TAF2: variants seen among roughly 807,000 people sequenced by gnomAD.
The protein encoded by TAF2 is TATA-box binding protein associated factor 2.
In TAF2, 61 loss-of-function variants were observed where a neutral mutation model predicts 138.5. The observed-to-expected ratio is 0.44, with a 90% CI of 0.36 to 0.54. The LOEUF (loss-of-function observed/expected upper bound fraction) is 0.54, where lower values mean the gene tolerates loss of function less well. Ranked by LOEUF, TAF2 falls within the 20% of genes least tolerant of loss-of-function variation. TAF2 has a pLI of 0.00. For missense variants in TAF2, 1,090 were observed against 1,427.9 expected (o/e 0.76, Z 3.81); for synonymous variants, 475 against 469.9 (o/e 1.01, Z -0.14).
chr8:119,827,054 C>T (rs530755376), intron 2 of TAF2, among the ~76,000 whole-genome samples: 1 of 152,206 alleles, frequency 6.6e-6, no homozygotes, highest in South Asian at 2.1e-4. Context: ...ATTAGCCAGG[C>T]TGGTGGTACG....
intron 2 of TAF2, among the ~76,000 whole-genome samples, chr8:119,820,092 A>C (rs1039517687): frequency 6.6e-6 from 1 of 152,198 alleles, no homozygotes; most frequent in African/African-American, 2.4e-5. Context: ...GGCCATATGT[A>C]GTTCTACCAT....
intron 2 of TAF2, among the ~76,000 whole-genome samples, chr8:119,821,372 T>C (rs1392595202): frequency 6.6e-6 from 1 of 152,146 alleles, no homozygotes; most frequent in Non-Finnish European, 1.5e-5. Context: ...TTTAAACATT[T>C]CCCCTGTGCT....
At chr8:119,757,266 G>A (rs962774533) in intron 21 of TAF2, among the ~76,000 whole-genome samples, 4 of 152,016 alleles carry the variant, frequency 2.6e-5, no homozygotes, top group African/African-American at 9.7e-5. Flanking sequence ...AGGATTATAA[G>A]AATAAAAGTG....
intron 2 of TAF2, 43 bp from the exon 3 acceptor site, chr8:119,819,549 T>C (rs776575773): frequency 2.0e-6 from 3 of 1,486,684 alleles, no homozygotes; most frequent in Non-Finnish European, 2.8e-6. Flanking sequence ...AAGACTGGTA[T>C]GTTTCAGAAT....
intron 21 of TAF2, among the ~76,000 whole-genome samples, chr8:119,757,350 T>A (rs567245170): frequency 1.6e-4 from 24 of 152,276 alleles, no homozygotes; most frequent in African/African-American, 5.5e-4. Flanking sequence ...ATATTTCATA[T>A]CCATATTTTC....
intron 22 of TAF2, among the ~76,000 whole-genome samples, chr8:119,749,319 C>T (rs998429135): frequency 6.6e-6 from 1 of 152,174 alleles, no homozygotes; most frequent in African/African-American, 2.4e-5. Context: ...ATGAACACCA[C>T]TGTTTTGTTC....
At chr8:119,783,294 T>G in intron 16 of TAF2, 87 bp downstream of exon 16, 1 of 1,507,358 alleles carries the variant, frequency 6.6e-7, no homozygotes, top group Non-Finnish European at 8.9e-7. Flanking sequence ...CCAAGTAAAT[T>G]TAAAGACTAG....
chr8:119,832,687 T>C lies in TAF2; in HGVS notation c.-123A>G, dbSNP rs1826544043. ...CAAGTCACGTCTCGCAGCTGGCCGG[T>C]GCCCAGGTGAGCGACCTGACGGGTC... On this transcript the variant is annotated 5_prime_UTR_variant, in exon 1 of 26. Transcript: ENST00000378164. 1 of 903,422 alleles carries C rather than the reference T, an allele frequency of 1.1e-6. No individual in the cohort carries two copies. Among genetic ancestry groups the C allele is most frequent in the Admixed American group, 2.9e-5 (1 of 34,708 alleles). 56.0% of individuals were successfully genotyped at this position (903,422 alleles called of 1,614,324 possible).
chr8:119,747,334 A>T (rs1820047493), intron 22 of TAF2, among the ~76,000 whole-genome samples: 1 of 152,150 alleles, frequency 6.6e-6, no homozygotes, highest in South Asian at 2.1e-4. Flanking sequence ...CTACTATTGG[A>T]CTTATTGTAA....
rs1378309678 is a variant in TAF2, at chr8:119,777,337, C to G, written c.2364+682G>C. On this transcript the variant is annotated intron_variant, in intron 18 of 25. Coordinates refer to ENST00000378164, the MANE Select transcript of TAF2 (RefSeq NM_003184.4). Reference sequence around the variant, plus strand: ...ATCACATGTGACTGCTGATTGCTTACTTGTCTGATTTCCCTATCAGGTTGT... The same window carrying G: ...ATCACATGTGACTGCTGATTGCTTAGTTGTCTGATTTCCCTATCAGGTTGT... 3.3e-5 allele frequency among the ~76,000 whole-genome samples: 5 copies of G among 152,116 alleles called. No homozygotes were observed. In the East Asian group the frequency reaches 9.6e-4, roughly 29 times the overall value.
At chr8:119,788,297 G>A in intron 14 of TAF2, 41 bp downstream of exon 14, 6 of 1,532,278 alleles carry the variant, frequency 3.9e-6, no homozygotes, top group Non-Finnish European at 5.4e-6. Flanking sequence ...TGTGAGATTT[G>A]TAGTTTAACT....
At chr8:119,800,555 T>C (rs1824186119) in intron 6 of TAF2, among the ~76,000 whole-genome samples, 1 of 152,222 alleles carries the variant, frequency 6.6e-6, no homozygotes, top group South Asian at 2.1e-4. Flanking sequence ...AGCCTTGTAG[T>C]ATAGTTTGAA....
At chr8:119,766,541 G>T (rs1187328362) in intron 18 of TAF2, among the ~76,000 whole-genome samples, 1 of 152,192 alleles carries the variant, frequency 6.6e-6, no homozygotes, top group Non-Finnish European at 1.5e-5. Context: ...TGTAATCCCA[G>T]CACTTTGGGA....
chr8:119,760,595 T>C lies in TAF2; in HGVS notation c.2698+4A>G. ...GATATGAGCACGTATTTCTAAAGTA[T>C]TACCTTTAGTATAATCAACAACTGC... On this transcript the variant is annotated splice_donor_region_variant and intron_variant, in intron 20 of 25. Coordinates refer to ENST00000378164, the MANE Select transcript of TAF2 (RefSeq NM_003184.4). 1.2e-6 allele frequency: 2 copies of C among 1,612,456 alleles called. No homozygotes were observed. The highest frequency in any genetic ancestry group is 8.5e-7 in the Non-Finnish European group (1 of 1,179,740).
intron 25 of TAF2, among the ~76,000 whole-genome samples, chr8:119,737,892 C>T (rs973149550): frequency 6.6e-6 from 1 of 151,930 alleles, no homozygotes; most frequent in African/African-American, 2.4e-5. Context: ...AGAAAGTTTT[C>T]CAAGAATTTA....
intron 18 of TAF2, among the ~76,000 whole-genome samples, chr8:119,765,658 T>C (rs767634815): frequency 6.6e-5 from 10 of 152,306 alleles, no homozygotes; most frequent in Non-Finnish European, 8.8e-5. Context: ...GAAGGGAATT[T>C]TTTTAAGGAG....
In TAF2 at chr8:119,760,538, G is replaced by A. The variant is rs1057159809; in HGVS notation, c.2698+61C>T. 73 of 1,586,694 alleles carry A rather than the reference G, an allele frequency of 4.6e-5. No homozygotes were observed. The Admixed American group carries it at 1.2e-3, about 26-fold the overall frequency. ...ATATTACGAAAACCCCAACAACACT[G>A]GCTTTAAAAAGTAAATAGTTCTTTC... On this transcript the variant is annotated intron_variant, in intron 20 of 25. Transcript: ENST00000378164.
At chr8:119,765,345 T>C (rs766463122) in intron 18 of TAF2, among the ~76,000 whole-genome samples, 9 of 151,372 alleles carry the variant, frequency 5.9e-5, no homozygotes, top group Non-Finnish European at 1.3e-4. Flanking sequence ...GTTCCAGGAG[T>C]CAAGAAAACA....
At chr8:119,742,253 T>C (rs1819644962) in intron 25 of TAF2, among the ~76,000 whole-genome samples, 1 of 152,226 alleles carries the variant, frequency 6.6e-6, no homozygotes. Context: ...GGCATTATCT[T>C]TTAAATTATC....
Sources: allele counts gnomAD v4.1 joint callset (sites outside exome capture counted in the v4.1 genomes callset), GRCh38; gene constraint gnomAD v4.1.1; transcripts MANE v1.5; gene names NCBI Gene and HGNC (gene_info 2026-07-23, HGNC 2026-07-21).